Variants in DIAPH2 observed in about 807,000 individuals in gnomAD.
DIAPH2 encodes protein diaphanous homolog 2.
In DIAPH2, 35 loss-of-function variants were observed where a neutral mutation model predicts 92.7. The ratio of observed to expected loss-of-function variants is 0.38; its 90% CI spans 0.29 to 0.50. The LOEUF (loss-of-function observed/expected upper bound fraction) is 0.50, where lower values mean the gene tolerates loss of function less well. Ranked by LOEUF, DIAPH2 falls within the 20% of genes least tolerant of loss-of-function variation. DIAPH2 has a pLI of 0.94. For synonymous variants in DIAPH2, 301 were observed against 280.4 expected, an observed-to-expected ratio of 1.07 and a Z score of -0.73; for missense variants, 701 against 819.5, an observed-to-expected ratio of 0.86 and a Z score of 1.77.
rs751277048 is a variant in DIAPH2, at chrX:97,323,050, G to A, written c.2845-25066G>A. 2.8e-5 allele frequency among the ~76,000 whole-genome samples: 3 copies of A among 105,725 alleles called. No individual in the cohort carries two copies. In the South Asian group the frequency reaches 1.3e-3, roughly 46 times the overall value. 91.8% of individuals were successfully genotyped at this position (105,725 alleles called of 115,157 possible). On this transcript the variant is annotated intron_variant, in intron 23 of 26. Coordinates refer to ENST00000324765, the MANE Select transcript of DIAPH2 (RefSeq NM_006729.5). Reference sequence around the variant, plus strand: ...CCTCCCAAATAGCTGGGATTAAGTCGCCTGCCACCACGCCCGGCTAATTTT... The same window carrying A: ...CCTCCCAAATAGCTGGGATTAAGTCACCTGCCACCACGCCCGGCTAATTTT...
In DIAPH2 at chrX:96,881,562, C is replaced by G; in HGVS notation, c.448-17C>G. ...TTTGAAACATTGTCTAAAATGGTCT[C>G]TTTGTTTATTTTATAGGGTGGGCTG... is the stretch of plus-strand genomic sequence containing the variant. On this transcript the variant is annotated splice_polypyrimidine_tract_variant and intron_variant, in intron 4 of 26. Coordinates refer to ENST00000324765, the MANE Select transcript of DIAPH2 (RefSeq NM_006729.5). 8.5e-7 allele frequency: 1 copy of G among 1,183,295 alleles called. No individual in the cohort carries two copies. The highest frequency in any genetic ancestry group is 1.1e-6 in the Non-Finnish European group (1 of 882,481).
intron 25 of DIAPH2, among the ~76,000 whole-genome samples, chrX:97,428,694 C>T (rs1458211643): frequency 9.0e-6 from 1 of 111,289 alleles, no homozygotes; most frequent in African/African-American, 3.3e-5. Context: ...TGCAAATTGT[C>T]ATCTACCTCA....
At chrX:96,686,401 A>G (rs891195824) in intron 1 of DIAPH2, among the ~76,000 whole-genome samples, 11 of 111,474 alleles carry the variant, frequency 9.9e-5, no homozygotes, top group African/African-American at 3.6e-4. Context: ...AGAAAAAAAA[A>G]AACACTTATC....
At chrX:97,287,846 G>A (rs1285553397) in intron 23 of DIAPH2, among the ~76,000 whole-genome samples, 2 of 104,298 alleles carry the variant, frequency 1.9e-5, no homozygotes, top group East Asian at 3.0e-4. Context: ...CCAGCTACTC[G>A]GGAGGCTGAG....
At chrX:97,573,726 T>A (rs1484537008) in intron 26 of DIAPH2, among the ~76,000 whole-genome samples, 1 of 106,928 alleles carries the variant, frequency 9.4e-6, no homozygotes, top group Non-Finnish European at 1.9e-5. Flanking sequence ...AATGGTGCGA[T>A]CTTGGCTCAC....
At chrX:96,978,828 T>A (rs964160060) in intron 17 of DIAPH2, among the ~76,000 whole-genome samples, 3 of 110,993 alleles carry the variant, frequency 2.7e-5, no homozygotes, top group Admixed American at 1.9e-4. Flanking sequence ...GTCAGGGTTG[T>A]GGTCCTGTGT....
At chrX:96,822,064 AT>A (rs369791693) in intron 4 of DIAPH2, among the ~76,000 whole-genome samples, 77 of 103,606 alleles carry the variant, frequency 7.4e-4, no homozygotes, top group South Asian at 4.1e-3. Flanking sequence ...CAGGTTGTGG[AT>A]TTTTTTTTTT....
chrX:96,910,346 T>G (rs1338502076), intron 5 of DIAPH2, among the ~76,000 whole-genome samples: 1 of 111,423 alleles, frequency 9.0e-6, no homozygotes, highest in Non-Finnish European at 1.9e-5. Flanking sequence ...TTATGGAAAT[T>G]AAAGCAGAAT....
chrX:97,048,691 G>A (rs960032150), intron 17 of DIAPH2, among the ~76,000 whole-genome samples: 9 of 110,847 alleles, frequency 8.1e-5, no homozygotes, highest in Non-Finnish European at 1.7e-4. Context: ...CACAAATAGC[G>A]GTTGGCACTC....
chrX:97,452,473 TGAGG>T (rs1300063595), intron 26 of DIAPH2, among the ~76,000 whole-genome samples: 1 of 112,031 alleles, frequency 8.9e-6, no homozygotes, highest in Non-Finnish European at 1.9e-5. Flanking sequence ...GACTTCCTGC[TGAGG>T]TCATCTAGAG....
chrX:97,323,198 AC>A (rs1227846709), intron 23 of DIAPH2, among the ~76,000 whole-genome samples: 1 of 105,299 alleles, frequency 9.5e-6, no homozygotes, highest in African/African-American at 3.4e-5. Flanking sequence ...GAGCCACCGC[AC>A]CCAGCCCCTG....
chrX:96,962,434 TATATATAC>T lies in DIAPH2; in HGVS notation c.1936-2649_1936-2642del, dbSNP rs1569436670. ...ATATATATACACATATATATACATA[TATATATAC>T]ATATATACACACACATATATATATA... On this transcript the variant is annotated intron_variant, in intron 16 of 26. Transcript: ENST00000324765. Among the ~76,000 whole-genome samples, 226 of 74,996 alleles carry T rather than the reference TATATATAC, an allele frequency of 3.0e-3. 21 individuals carry two copies. The highest frequency in any genetic ancestry group is 0.012 in the African/African-American group (216 of 17,503). The allele number at this position is 74,996 out of a possible 115,157, so 65.1% of individuals were successfully genotyped here.
rs375701551 is a variant in DIAPH2 at position 97,093,302 on chromosome X, A to G, written c.2248-6392A>G. Among the ~76,000 whole-genome samples, 8 of 111,664 alleles carry G rather than the reference A, an allele frequency of 7.2e-5. No homozygotes were observed. In the East Asian group the frequency reaches 2.0e-3, roughly 28 times the overall value. On this transcript the variant is annotated intron_variant, in intron 19 of 26. Coordinates refer to ENST00000324765, the MANE Select transcript of DIAPH2 (RefSeq NM_006729.5). Reference sequence around the variant, plus strand: ...TATATGTAAAATAGGTGAAGGATGGATATCAATCAGAGGAAAGCACGCCAA... The same window carrying G: ...TATATGTAAAATAGGTGAAGGATGGGTATCAATCAGAGGAAAGCACGCCAA...
intron 26 of DIAPH2, among the ~76,000 whole-genome samples, chrX:97,573,655 TG>T (rs1250667288): frequency 9.3e-6 from 1 of 107,573 alleles, no homozygotes; most frequent in African/African-American, 3.4e-5. Flanking sequence ...GGGGTTTTTT[TG>T]TTTTTTTTTT....
chrX:96,784,623 A>G (rs1359549006), intron 4 of DIAPH2, among the ~76,000 whole-genome samples: 1 of 112,311 alleles, frequency 8.9e-6, no homozygotes, highest in East Asian at 2.8e-4. Flanking sequence ...TAGTAAAACA[A>G]ACATCTGTCT....
At chrX:97,254,897 G>A (rs926204060) in intron 23 of DIAPH2, among the ~76,000 whole-genome samples, 11 of 109,242 alleles carry the variant, frequency 1.0e-4, no homozygotes, top group Non-Finnish European at 2.1e-4. Flanking sequence ...GTAGAGACGG[G>A]GTTTCACCAT....
At chrX:96,947,972 T>C in intron 14 of DIAPH2, among the ~76,000 whole-genome samples, 1 of 111,544 alleles carries the variant, frequency 9.0e-6, no homozygotes. Flanking sequence ...AACCATTCAG[T>C]CTTTTTGGCT....
At chrX:97,137,301 A>ATATG (rs1555989252) in intron 21 of DIAPH2, among the ~76,000 whole-genome samples, 2 of 93,122 alleles carry the variant, frequency 2.1e-5, no homozygotes, top group African/African-American at 7.8e-5. Context: ...ATATATATAT[A>ATATG]TGTATAGAAT....
intron 22 of DIAPH2, among the ~76,000 whole-genome samples, chrX:97,243,566 G>T (rs1370958118): frequency 9.0e-6 from 1 of 111,665 alleles, no homozygotes; most frequent in Admixed American, 9.6e-5. Flanking sequence ...AGAATTCTCA[G>T]ATTATTACAT....
Sources: gnomAD v4.1 joint callset for allele counts (sites outside exome capture counted in the v4.1 genomes callset) on GRCh38, gnomAD v4.1.1 for gene constraint, MANE v1.5 for transcripts, NCBI Gene and HGNC (gene_info 2026-07-23, HGNC 2026-07-21) for gene names.